The following HADHA variants were observed in gnomAD, a reference collection of about 807,000 sequenced individuals.
The protein encoded by HADHA is hydroxyacyl-CoA dehydrogenase trifunctional multienzyme complex subunit alpha.
In HADHA, 59 loss-of-function variants were observed where a neutral mutation model predicts 91.3. That is an observed-to-expected ratio of 0.65 (90% confidence interval 0.52 to 0.80). HADHA has a LOEUF of 0.80. Among genes scored for constraint, HADHA ranks in the 30% least tolerant of loss-of-function variants. HADHA has a pLI of 0.00. For synonymous variants in HADHA, 320 were observed against 338.9 expected, an observed-to-expected ratio of 0.94 and a Z score of 0.61; for missense variants, 800 against 927.6, an observed-to-expected ratio of 0.86 and a Z score of 1.79.
intron 11 of HADHA, among the ~76,000 whole-genome samples, chr2:26,207,336 T>G: frequency 6.6e-6 from 1 of 150,780 alleles, no homozygotes; most frequent in Non-Finnish European, 1.5e-5. Context: ...TTTTTTTTTT[T>G]GGTGGGAGGG....
At chr2:26,217,757 A>G (rs1309794887) in intron 7 of HADHA, among the ~76,000 whole-genome samples, 1 of 151,958 alleles carries the variant, frequency 6.6e-6, no homozygotes, top group African/African-American at 2.4e-5. Context: ...TTTTTTTTTA[A>G]TTAGCTGGGC....
At position 26,191,517 on chromosome 2, in the gene HADHA, G is replaced by A. The variant is rs754294789; in HGVS notation, c.2112C>T (p.Ala704=). 21 of 1,614,062 alleles carry A rather than the reference G, an allele frequency of 1.3e-5. No homozygotes were observed. The highest frequency in any genetic ancestry group is 1.1e-4 in the East Asian group (5 of 44,888). The part of the protein sequence containing the change: ...LATPAEGDIG[A]VFGLGFPPCL... Reference sequence around the variant, plus strand: ...AAGGCGGGAAGCCAAGCCCAAAGACGGCTCCGATGTCTCCCTCTGCAGGTG... The same window carrying A: ...AAGGCGGGAAGCCAAGCCCAAAGACAGCTCCGATGTCTCCCTCTGCAGGTG... Residue 704 remains alanine, a synonymous_variant, in exon 19 of 20, where the codon GCC becomes GCT. Coordinates refer to ENST00000380649, the MANE Select transcript of HADHA (RefSeq NM_000182.5).
intron 5 of HADHA, among the ~76,000 whole-genome samples, chr2:26,233,080 G>C (rs900172288): frequency 1.3e-5 from 2 of 152,204 alleles, no homozygotes; most frequent in African/African-American, 4.8e-5. Context: ...GTTCACAACA[G>C]GGTTCCAGCT....
At chr2:26,206,996 G>A (rs984212502) in intron 11 of HADHA, among the ~76,000 whole-genome samples, 5 of 152,094 alleles carry the variant, frequency 3.3e-5, no homozygotes, top group Non-Finnish European at 7.4e-5. Flanking sequence ...CCAGAATTTT[G>A]AGATCAGCCT....
chr2:26,191,473 C>A lies in HADHA; in HGVS notation c.2146+10G>T. On this transcript the variant is annotated intron_variant, in intron 19 of 19. Transcript: ENST00000380649. The stretch of plus-strand genomic sequence containing the variant: ...TAAAGTGAGCTTCCTTCCCAACCTG[C>A]GAGACCAACCTCCCAGACAAGGCGG... 6.2e-7 allele frequency: 1 copy of A among 1,614,158 alleles called. No homozygotes were observed. The highest frequency in any genetic ancestry group is 2.2e-5 in the East Asian group (1 of 44,878).
chr2:26,240,260 C>G (rs1670859474), intron 1 of HADHA, among the ~76,000 whole-genome samples: 1 of 152,158 alleles, frequency 6.6e-6, no homozygotes, highest in Non-Finnish European at 1.5e-5. Context: ...ATTGTGACCT[C>G]CATGTGCCAT....
In HADHA at chr2:26,214,440, C is replaced by T; in HGVS notation, c.918+3G>A. 1.5e-6 allele frequency: 2 copies of T among 1,341,260 alleles called. No homozygotes were observed. The highest frequency in any genetic ancestry group is 2.1e-6 in the Non-Finnish European group (2 of 932,684). 83.1% of individuals were successfully genotyped at this position (1,341,260 alleles called of 1,614,324 possible). ...AAAAGTGGGAATATTGGGTAAGACT[C>T]ACATCAATTATTTTCAGAGGTGCAG... On this transcript the variant is annotated splice_donor_region_variant and intron_variant, in intron 9 of 19. Transcript: ENST00000380649. This position sits in a 1 kb window ranked among gnomAD's most constrained non-coding sequence, Gnocchi z 4.1.
intron 16 of HADHA, among the ~76,000 whole-genome samples, chr2:26,194,044 T>C (rs1669589653): frequency 6.6e-6 from 1 of 152,166 alleles, no homozygotes; most frequent in Non-Finnish European, 1.5e-5. Flanking sequence ...TTTCTGAATC[T>C]CAATAATAAG....
At chr2:26,238,820 T>C (rs913419398) in intron 3 of HADHA, 114 bp downstream of exon 3, 3 of 783,798 alleles carry the variant, frequency 3.8e-6, no homozygotes, top group African/African-American at 3.4e-5. Context: ...TGTAAATTCA[T>C]GTAAGATTAC....
At position 26,214,765 on chromosome 2, in the gene HADHA, T is replaced by C. The variant is rs1046674; in HGVS notation, c.800-204A>G. Among the ~76,000 whole-genome samples the C allele has an allele frequency of 2.1e-3, 315 of 152,338 alleles. 1 individual carries two copies. Among genetic ancestry groups the C allele is most frequent in the Non-Finnish European group, 3.7e-3 (253 of 68,034 alleles). On this transcript the variant is annotated intron_variant, in intron 8 of 19. Transcript: ENST00000380649. This position sits in a 1 kb window ranked among gnomAD's most constrained non-coding sequence, Gnocchi z 4.1. The stretch of plus-strand genomic sequence containing the variant: ...ATGTTAAAGCTGGGCCTTGGGTACA[T>C]GAGTGTTTATAACACTGTTATCTAG...
chr2:26,207,267 C>T (rs1004839133), intron 11 of HADHA, among the ~76,000 whole-genome samples: 1 of 148,206 alleles, frequency 6.7e-6, no homozygotes, highest in African/African-American at 2.5e-5. Context: ...ATCTTATAAT[C>T]TTATTTATGA....
intron 13 of HADHA, among the ~76,000 whole-genome samples, chr2:26,200,455 GCAGCATTTC>G (rs1233539905): frequency 4.6e-5 from 7 of 152,326 alleles, no homozygotes; most frequent in Admixed American, 6.5e-5. Flanking sequence ...CTGGGCCAAA[GCAGCATTTC>G]CACAGAACAA....
chr2:26,203,989 A>G, intron 12 of HADHA, 73 bp downstream of exon 12: 1 of 1,457,350 alleles, frequency 6.9e-7, no homozygotes, highest in Non-Finnish European at 9.6e-7. Flanking sequence ...AAACCCACCA[A>G]GCCACCACAA....
intron 12 of HADHA, among the ~76,000 whole-genome samples, chr2:26,202,034 C>T (rs529657616): frequency 6.6e-6 from 1 of 151,276 alleles, no homozygotes. Flanking sequence ...CTCCTGACCT[C>T]GTGTTCCATC....
Position 26,214,539 on chromosome 2 carries a change from AGTC to A in HADHA, c.819_821del (p.Met273_Thr274delinsIle). ...AAACCTGTTGCCTGACAAATGGAAT[AGTC>A]ATGGCATACGCTGTCAATTCTGTAA... On this transcript the variant is annotated inframe_deletion, in exon 9 of 20. Coordinates refer to ENST00000380649, the MANE Select transcript of HADHA (RefSeq NM_000182.5). The surrounding 1 kb of genome is among the most constrained non-coding windows in gnomAD (Gnocchi z 4.1). 6.3e-7 allele frequency: 1 copy of A among 1,596,022 alleles called. No homozygotes were observed. The highest frequency in any genetic ancestry group is 1.1e-5 in the South Asian group (1 of 90,732).
chr2:26,234,290 A>G lies in HADHA; in HGVS notation c.380T>C (p.Val127Ala), dbSNP rs1558329986. 1 of 1,613,646 alleles carries G rather than the reference A, an allele frequency of 6.2e-7. No homozygotes were observed. The highest frequency in any genetic ancestry group is 8.5e-7 in the Non-Finnish European group (1 of 1,179,542). Reference protein sequence around the residue: ...TQLSQEAQRIVEKLEKSTKPI... With the variant: ...TQLSQEAQRIAEKLEKSTKPI... ...CTTTGTGGACTTTTCAAGTTTCTCA[A>G]CTATTCTCTGTGCTTCTTGTGATAG... The change falls in exon 5 of 20, where the codon GTT becomes GCT. Residue 127 changes from valine to alanine, a missense_variant. Coordinates refer to ENST00000380649, the MANE Select transcript of HADHA (RefSeq NM_000182.5).
At chr2:26,193,799 CAG>C (rs763015114) in intron 16 of HADHA, 27 bp from the exon 17 acceptor site, 12 of 1,596,800 alleles carry the variant, frequency 7.5e-6, no homozygotes, top group African/African-American at 2.7e-5. Context: ...GCAGGGACCT[CAG>C]GGGAAGGGCA....
chr2:26,197,242 C>A (rs571754419), intron 14 of HADHA, among the ~76,000 whole-genome samples: 3 of 152,126 alleles, frequency 2.0e-5, no homozygotes, highest in Non-Finnish European at 4.4e-5. Context: ...TGCTTCTATA[C>A]CCAGCCCTTT....
intron 4 of HADHA, 92 bp from the exon 5 acceptor site, chr2:26,234,447 T>A (rs1388289340): frequency 6.5e-6 from 7 of 1,075,150 alleles, no homozygotes; most frequent in Non-Finnish European, 9.9e-6. Context: ...TATCCTATCA[T>A]GCATCAATAT....
Sources: allele counts gnomAD v4.1 joint callset (sites outside exome capture counted in the v4.1 genomes callset), GRCh38; gene constraint gnomAD v4.1.1; non-coding constraint Gnocchi (gnomAD v3.1); transcripts MANE v1.5; gene names NCBI Gene and HGNC (gene_info 2026-07-23, HGNC 2026-07-21).